Variants in FSHR observed in about 807,000 individuals in gnomAD.
FSHR encodes follicle-stimulating hormone receptor.
A neutral mutation model predicts 52.1 loss-of-function variants in FSHR; 46 were observed. That is an observed-to-expected ratio of 0.88 (90% confidence interval 0.70 to 1.13). The LOEUF (loss-of-function observed/expected upper bound fraction) is 1.13. FSHR is among the 50% of genes most tolerant of loss of function. The probability of loss-of-function intolerance (pLI) is 0.00; values close to 1 mark genes in which losing one functional copy is unlikely to be tolerated. For missense variants in FSHR, 964 were observed against 834.6 expected, an observed-to-expected ratio of 1.16 and a Z score of -1.91; for synonymous variants, 399 against 309.6, an observed-to-expected ratio of 1.29 and a Z score of -3.03.
intron 8 of FSHR, among the ~76,000 whole-genome samples, chr2:48,976,564 C>G (rs1383723866): frequency 6.6e-6 from 1 of 152,158 alleles, no homozygotes; most frequent in Non-Finnish European, 1.5e-5. Context: ...ATGGTACCAG[C>G]TCCTTTTTGT....
chr2:49,045,166 T>C (rs1299950941), intron 2 of FSHR, among the ~76,000 whole-genome samples: 1 of 152,248 alleles, frequency 6.6e-6, no homozygotes, highest in Non-Finnish European at 1.5e-5. Flanking sequence ...CTCTAATTGT[T>C]TCCTGTGTAT....
Position 48,962,836 on chromosome 2 carries a change from A to C in FSHR, c.1985T>G (p.Val662Gly). 1 of 1,614,166 alleles carries C rather than the reference A, an allele frequency of 6.2e-7. No individual in the cohort carries two copies. The highest frequency in any genetic ancestry group is 8.5e-7 in the Non-Finnish European group (1 of 1,180,016). ...GCCATTCCTTGGATGGGTGTTGTGG[A>C]CAGTGGATGAAGTTTCTGTCCTATA... is the stretch of plus-strand genomic sequence containing the variant. Reference protein sequence around the residue: ...QIYRTETSSTVHNTHPRNGHC... With the variant: ...QIYRTETSSTGHNTHPRNGHC... The change falls in exon 10 of 10, where the codon GTC becomes GGC. Residue 662 changes from valine (V) to glycine (G), a missense_variant. Val to Gly is a moderately radical substitution (Grantham distance 109). Transcript: ENST00000406846.
In FSHR at chr2:49,101,592, G is replaced by C. The variant is rs144346695; in HGVS notation, c.153-33302C>G. Among the ~76,000 whole-genome samples the C allele has an allele frequency of 2.6e-3, 403 of 152,258 alleles. 3 individuals are homozygous for C. Among genetic ancestry groups the C allele is most frequent in the African/African-American group, 9.1e-3 (380 of 41,568 alleles). On this transcript the variant is annotated intron_variant, in intron 1 of 9. Transcript: ENST00000406846. ...ACTCCAAGTGTGGGGGTATGGTTCAGAATAACATATGAGGAGAGTAGTAGG... is the reference window on the plus strand; with the variant it reads ...ACTCCAAGTGTGGGGGTATGGTTCACAATAACATATGAGGAGAGTAGTAGG...
At chr2:49,001,746 A>G (rs1176899988) in intron 4 of FSHR, among the ~76,000 whole-genome samples, 5 of 152,162 alleles carry the variant, frequency 3.3e-5, no homozygotes, top group Non-Finnish European at 1.5e-5. Flanking sequence ...TGTTCTGAGC[A>G]CTGGGCACAT....
Position 48,963,856 on chromosome 2 carries a change from T to C in FSHR, c.965A>G (p.Tyr322Cys). 1 of 1,614,196 alleles carries C rather than the reference T, an allele frequency of 6.2e-7. No homozygotes were observed. Among genetic ancestry groups the C allele is most frequent in the Non-Finnish European group, 8.5e-7 (1 of 1,180,006 alleles). The change falls in exon 10 of 10, where the codon TAC becomes TGC. Residue 322 changes from tyrosine (Y) to cysteine (C), a missense_variant. Tyr to Cys is a radical substitution (Grantham distance 194). Transcript: ENST00000406846. ...SSLAEDNESS[Y>C]SRGFDMTYTE... ...GTACGTCATGTCAAATCCTCTGCTG[T>C]AGCTGGACTCATTGTCTTCTGCCAG... is the stretch of plus-strand genomic sequence containing the variant.
intron 1 of FSHR, among the ~76,000 whole-genome samples, chr2:49,099,377 C>T (rs58773038): frequency 0.042 from 6,383 of 152,064 alleles, 418 homozygotes; most frequent in African/African-American, 0.14. Flanking sequence ...TTTTCCCTTC[C>T]GCCATGATCG....
chr2:49,058,510 C>T (rs532915797), intron 2 of FSHR, among the ~76,000 whole-genome samples: 6 of 152,218 alleles, frequency 3.9e-5, no homozygotes, highest in East Asian at 1.9e-4. Context: ...CGAGCCACTG[C>T]ACTCCAGCTT....
chr2:49,107,079 T>G (rs1159588499), intron 1 of FSHR, among the ~76,000 whole-genome samples: 1 of 152,220 alleles, frequency 6.6e-6, no homozygotes, highest in East Asian at 1.9e-4. Flanking sequence ...CCTTATCACC[T>G]GTAGAATAAA....
chr2:49,141,430 C>A (rs888912014), intron 1 of FSHR, among the ~76,000 whole-genome samples: 3 of 152,000 alleles, frequency 2.0e-5, no homozygotes, highest in Non-Finnish European at 4.4e-5. Context: ...GAACAGGAAT[C>A]CCACGTGGCA....
intron 2 of FSHR, among the ~76,000 whole-genome samples, chr2:49,022,856 C>T (rs995788664): frequency 3.3e-5 from 5 of 152,154 alleles, no homozygotes; most frequent in Non-Finnish European, 5.9e-5. Context: ...CTCTCCTTTC[C>T]TCATCTTCTA....
At chr2:49,085,964 T>TGGGGGGG (rs779337337) in intron 1 of FSHR, among the ~76,000 whole-genome samples, 1 of 81,586 alleles carries the variant, frequency 1.2e-5, no homozygotes, top group Non-Finnish European at 2.7e-5. Flanking sequence ...GGGCCTGTTG[T>TGGGGGGG]GGGGGGGGGG....
chr2:49,016,381 T>C (rs765376969), intron 4 of FSHR, among the ~76,000 whole-genome samples: 2 of 152,206 alleles, frequency 1.3e-5, no homozygotes, highest in South Asian at 2.1e-4. Flanking sequence ...TTTTGGTTAA[T>C]AGAATGCATC....
intron 2 of FSHR, among the ~76,000 whole-genome samples, chr2:49,048,917 A>T (rs1488764786): frequency 6.6e-6 from 1 of 152,112 alleles, no homozygotes; most frequent in East Asian, 1.9e-4. Flanking sequence ...TGAATCTTTT[A>T]CTGTTTAAAG....
chr2:49,109,038 A>G (rs1463238624), intron 1 of FSHR, among the ~76,000 whole-genome samples: 1 of 152,056 alleles, frequency 6.6e-6, no homozygotes, highest in Non-Finnish European at 1.5e-5. Context: ...CACCGGGGAG[A>G]GCAGAGGAAG....
chr2:49,133,122 A>G (rs960813353), intron 1 of FSHR, among the ~76,000 whole-genome samples: 2 of 152,020 alleles, frequency 1.3e-5, no homozygotes, highest in Non-Finnish European at 2.9e-5. Flanking sequence ...GCTCCTAACT[A>G]TAGGACTTTC....
intron 1 of FSHR, among the ~76,000 whole-genome samples, chr2:49,129,913 T>C (rs978986901): frequency 6.6e-6 from 1 of 152,158 alleles, no homozygotes; most frequent in Admixed American, 6.6e-5. Flanking sequence ...ATTAGGACAA[T>C]TTATAATTTC....
At chr2:49,030,040 G>T (rs1193613575) in intron 2 of FSHR, among the ~76,000 whole-genome samples, 2 of 152,202 alleles carry the variant, frequency 1.3e-5, no homozygotes, top group Non-Finnish European at 2.9e-5. Context: ...TGGCTCTGCG[G>T]CAGACCTATC....
At chr2:49,085,062 A>G (rs1670323358) in intron 1 of FSHR, among the ~76,000 whole-genome samples, 1 of 152,072 alleles carries the variant, frequency 6.6e-6, no homozygotes, top group African/African-American at 2.4e-5. Context: ...TTTTAGACCA[A>G]TATCTTTGAT....
Position 49,010,062 on chromosome 2 carries a change from A to G in FSHR, c.374+7427T>C, listed in dbSNP as rs1419121701. On this transcript the variant is annotated intron_variant, in intron 4 of 9. Coordinates refer to ENST00000406846, the MANE Select transcript of FSHR (RefSeq NM_000145.4). ...TGCCCTGGCCAGAACTTCCAACACT[A>G]TGTTGAATAGGACCGGTGAGAGAGG... Among the ~76,000 whole-genome samples, 2 of 78,328 alleles carry G rather than the reference A, an allele frequency of 2.6e-5. 1 individual carries two copies. Among genetic ancestry groups the G allele is most frequent in the Non-Finnish European group, 7.0e-5 (2 of 28,602 alleles). The allele number at this position is 78,328 out of a possible 152,430, so 51.4% of individuals were successfully genotyped here.
Sources: gnomAD v4.1 joint callset for allele counts (sites outside exome capture counted in the v4.1 genomes callset) on GRCh38, gnomAD v4.1.1 for gene constraint, MANE v1.5 for transcripts, NCBI Gene and HGNC (gene_info 2026-07-23, HGNC 2026-07-21) for gene names.